Variants in CCDC141 observed in about 807,000 individuals in gnomAD.
The protein encoded by CCDC141 is coiled-coil domain containing 141.
A neutral mutation model predicts 181.0 loss-of-function variants in CCDC141; 168 were observed. That is an observed-to-expected ratio of 0.93 (90% CI 0.82 to 1.05). CCDC141 has a LOEUF of 1.05. CCDC141 is among the 50% of genes least tolerant of loss of function. CCDC141 has a pLI of 0.00. For missense variants in CCDC141, 1,902 were observed against 1,788.5 expected (o/e 1.06, Z -1.14); for synonymous variants, 666 against 642.3 (o/e 1.04, Z -0.56).
intron 2 of CCDC141, among the ~76,000 whole-genome samples, chr2:179,015,211 C>CAT (rs1254048126): frequency 8.5e-6 from 1 of 116,972 alleles, no homozygotes; most frequent in African/African-American, 3.3e-5. Flanking sequence ...TCATATATAT[C>CAT]ATATATCTCA....
intron 2 of CCDC141, among the ~76,000 whole-genome samples, chr2:178,981,430 A>C (rs918878909): frequency 2.0e-5 from 3 of 151,808 alleles, no homozygotes; most frequent in Non-Finnish European, 4.4e-5. Context: ...ACTAAATGTC[A>C]ATAACAGAAA....
chr2:179,047,040 T>A (rs2043520181), intron 2 of CCDC141, among the ~76,000 whole-genome samples: 1 of 152,228 alleles, frequency 6.6e-6, no homozygotes, highest in African/African-American at 2.4e-5. Context: ...AAAAAATTAC[T>A]CATTTCTCCA....
At position 178,860,402 on chromosome 2, in the gene CCDC141, G is replaced by A. The variant is rs899028052; in HGVS notation, c.2725-4005C>T. On this transcript the variant is annotated intron_variant, in intron 17 of 23. Coordinates refer to ENST00000443758, the MANE Select transcript of CCDC141 (RefSeq NM_173648.4). ...ACAAAAATCAGCTGGGCATGGTGGTGCATGCCTGTAATCACAGCTACTCAG... is the reference window on the plus strand; with the variant it reads ...ACAAAAATCAGCTGGGCATGGTGGTACATGCCTGTAATCACAGCTACTCAG... Among the ~76,000 whole-genome samples, 4 of 151,676 alleles carry A rather than the reference G, an allele frequency of 2.6e-5. No individual in the cohort carries two copies. The East Asian group carries it at 7.7e-4, about 29-fold the overall frequency.
chr2:179,023,868 T>C (rs1258193645), intron 2 of CCDC141, among the ~76,000 whole-genome samples: 1 of 152,200 alleles, frequency 6.6e-6, no homozygotes, highest in Non-Finnish European at 1.5e-5. Context: ...CTTTAACAGG[T>C]ACCCAAGATT....
rs1396167584 is a variant in CCDC141 at position 178,869,107 on chromosome 2, T to C, written c.2394+10A>G. 3 of 1,540,078 alleles carry C rather than the reference T, an allele frequency of 1.9e-6. No homozygotes were observed. The highest frequency in any genetic ancestry group is 2.8e-5 in the African/African-American group (2 of 71,258). ...CTCAGGATTTTTCAGACATCCCTTC[T>C]AAGCCTTACCTCTTCCTTGACTTGA... On this transcript the variant is annotated intron_variant, in intron 15 of 23. Coordinates refer to ENST00000443758, the MANE Select transcript of CCDC141 (RefSeq NM_173648.4).
intron 17 of CCDC141, among the ~76,000 whole-genome samples, chr2:178,858,443 T>TACC (rs10686827): frequency 0.48 from 72,430 of 151,662 alleles, 17,977 homozygotes; most frequent in African/African-American, 0.6. Flanking sequence ...ATATAATAAG[T>TACC]ACATCTGAGG....
chr2:178,837,207 C>A lies in CCDC141; in HGVS notation c.4012G>T (p.Ala1338Ser), dbSNP rs538701135. The change falls in exon 23 of 24, where the codon GCT (alanine) becomes TCT (serine). Residue 1338 changes from alanine (A) to serine (S), a missense_variant. By Grantham distance (99) the Ala-to-Ser change is moderately conservative. Coordinates refer to ENST00000443758, the MANE Select transcript of CCDC141 (RefSeq NM_173648.4). ...HERALQQHPQAQGGLLETREK... is the reference protein window; with the variant it reads ...HERALQQHPQSQGGLLETREK... The stretch of plus-strand genomic sequence containing the variant: ...CGTGTTTCTAGCAAACCACCCTGAG[C>A]CTGAGGGTGCTGCTGTAAAGCTCTC... The A allele has an allele frequency of 1.9e-6, 3 of 1,613,960 alleles. No individual in the cohort carries two copies. Among genetic ancestry groups the A allele is most frequent in the Non-Finnish European group, 2.5e-6 (3 of 1,179,956 alleles).
chr2:178,974,095 G>C (rs1403436882), intron 4 of CCDC141, among the ~76,000 whole-genome samples: 1 of 152,042 alleles, frequency 6.6e-6, no homozygotes, highest in African/African-American at 2.4e-5. Context: ...AGGAAAGATT[G>C]AGTCCTTTAA....
chr2:178,944,432 CAA>C (rs1398235102), intron 6 of CCDC141, 101 bp downstream of exon 6: 3 of 477,290 alleles, frequency 6.3e-6, no homozygotes, highest in Admixed American at 8.0e-5. Context: ...GTAGATTAAT[CAA>C]AGACAGTTCT....
At position 178,977,759 on chromosome 2, in the gene CCDC141, G is replaced by T. The variant is rs1194573577; in HGVS notation, c.417+725C>A. ...GCAGTGCTCTTACATCAAAATGAAT[G>T]GGCTGCCACCTGACACAGAAGTTAA... On this transcript the variant is annotated intron_variant, in intron 3 of 23. Transcript: ENST00000443758. 4.6e-5 allele frequency among the ~76,000 whole-genome samples: 7 copies of T among 152,048 alleles called. No individual in the cohort carries two copies. The East Asian group carries it at 1.2e-3, about 25-fold the overall frequency.
chr2:178,850,065 A>T lies in CCDC141; in HGVS notation c.3341T>A (p.Leu1114His). The T allele has an allele frequency of 6.3e-7, 1 of 1,582,170 alleles. No individual in the cohort carries two copies. Among genetic ancestry groups the T allele is most frequent in the Non-Finnish European group, 8.6e-7 (1 of 1,161,744 alleles). ...AGAAATTACCTTCAGTTTTTCTTCG[A>T]GCTCTGTGAGGGACTCACATAATTC... Reference protein sequence around the residue: ...VTELCESLTELEEKLKQGDVL... With the variant: ...VTELCESLTEHEEKLKQGDVL... The change falls in exon 21 of 24, where the codon CTC (leucine) becomes CAC (histidine). Residue 1114 changes from leucine (L) to histidine (H), a missense_variant. By Grantham distance (99) the Leu-to-His change is moderately conservative (BLOSUM62 -3). Coordinates refer to ENST00000443758, the MANE Select transcript of CCDC141 (RefSeq NM_173648.4).
chr2:178,831,021 G>A lies in CCDC141; in HGVS notation c.*3152C>T, dbSNP rs1329829949. 2 of 152,128 alleles carry A rather than the reference G, an allele frequency of 1.3e-5. No homozygotes were observed. Among genetic ancestry groups the A allele is most frequent in the African/African-American group, 4.8e-5 (2 of 41,418 alleles). 9.4% of individuals were successfully genotyped at this position (152,128 alleles called of 1,614,324 possible). The stretch of plus-strand genomic sequence containing the variant: ...ACTACTTGAGGAAATTTAAATTTGA[G>A]CAAAGCAGTTAGAAGGGTCTTGTAG... On this transcript the variant is annotated 3_prime_UTR_variant, in exon 24 of 24. Transcript: ENST00000443758.
chr2:178,909,328 G>T (rs2154373451), intron 7 of CCDC141, among the ~76,000 whole-genome samples: 1 of 152,268 alleles, frequency 6.6e-6, no homozygotes, highest in African/African-American at 2.4e-5. Flanking sequence ...ACTATAAATT[G>T]TTCTGTGTAT....
At chr2:179,024,218 A>C (rs1341693029) in intron 2 of CCDC141, among the ~76,000 whole-genome samples, 1 of 152,244 alleles carries the variant, frequency 6.6e-6, no homozygotes, top group Admixed American at 6.5e-5. Flanking sequence ...CCATACATTA[A>C]TAATTGAATC....
intron 2 of CCDC141, among the ~76,000 whole-genome samples, chr2:179,035,706 T>G (rs543285010): frequency 2.6e-5 from 4 of 152,284 alleles, no homozygotes; most frequent in African/African-American, 9.6e-5. Flanking sequence ...CTGTTTGACT[T>G]CCTCACAAGG....
intron 2 of CCDC141, among the ~76,000 whole-genome samples, chr2:179,032,974 A>G (rs908673138): frequency 1.3e-5 from 2 of 148,374 alleles, no homozygotes; most frequent in African/African-American, 2.5e-5. Flanking sequence ...ACATTTATAC[A>G]TTATTATATA....
At chr2:178,992,666 G>A (rs1293261957) in intron 2 of CCDC141, among the ~76,000 whole-genome samples, 1 of 152,148 alleles carries the variant, frequency 6.6e-6, no homozygotes, top group Non-Finnish European at 1.5e-5. Context: ...TAATGAGTGA[G>A]TCTATCATTG....
intron 7 of CCDC141, among the ~76,000 whole-genome samples, chr2:178,906,112 A>C (rs1265521071): frequency 2.0e-5 from 3 of 152,268 alleles, no homozygotes; most frequent in Non-Finnish European, 4.4e-5. Context: ...GACCAAGGTA[A>C]TATTTAGCTT....
At chr2:178,825,403 TTC>T (rs1482115862), downstream of CCDC141, 2 of 152,160 alleles carry the variant, frequency 1.3e-5, no homozygotes, top group African/African-American at 4.8e-5. Flanking sequence ...CCAAAAGGAC[TTC>T]TTTTATTTTA....
Sources: gnomAD v4.1 joint callset for allele counts (sites outside exome capture counted in the v4.1 genomes callset) on GRCh38, gnomAD v4.1.1 for gene constraint, MANE v1.5 for transcripts, NCBI Gene and HGNC (gene_info 2026-07-23, HGNC 2026-07-21) for gene names.